ERBB4: variants seen among roughly 807,000 people sequenced by gnomAD.
The protein encoded by ERBB4 is receptor tyrosine-protein kinase erbB-4.
Under a neutral mutation model 158.0 loss-of-function variants are expected in ERBB4, and 42 were observed. The ratio of observed to expected loss-of-function variants is 0.27; its 90% CI spans 0.21 to 0.34. ERBB4 has a LOEUF of 0.34. Ranked by LOEUF, ERBB4 falls within the 10% of genes least tolerant of loss-of-function variation. The probability of loss-of-function intolerance (pLI) is 1.00; values close to 1 mark genes in which losing one functional copy is unlikely to be tolerated. For missense variants in ERBB4, 1,333 were observed against 1,624.1 expected, an observed-to-expected ratio of 0.82 and a Z score of 3.08; for synonymous variants, 583 against 558.7, an observed-to-expected ratio of 1.04 and a Z score of -0.61.
In ERBB4 at chr2:211,947,395, GA is replaced by G. The variant is rs1447637023; in HGVS notation, c.421+34del. The G allele has an allele frequency of 2.6e-6, 4 of 1,540,920 alleles. No individual in the cohort carries two copies. The Admixed American group carries it at 5.0e-5, about 19-fold the overall frequency. On this transcript the variant is annotated intron_variant, in intron 3 of 27. Transcript: ENST00000342788. ...TATACAATTGCCTTATATTGATAAT[GA>G]AAGCATATTTGCCATTTTGGATATA... is the stretch of plus-strand genomic sequence containing the variant.
chr2:211,863,075 A>G (rs903533885), intron 3 of ERBB4, among the ~76,000 whole-genome samples: 6 of 151,404 alleles, frequency 4.0e-5, no homozygotes, highest in African/African-American at 1.5e-4. Context: ...ACCAATCAGC[A>G]CTCTGTGTCT....
intron 20 of ERBB4, among the ~76,000 whole-genome samples, chr2:211,513,362 A>AAC: frequency 8.3e-6 from 1 of 120,902 alleles, no homozygotes; most frequent in South Asian, 2.4e-4. Flanking sequence ...CGTCTCAAAA[A>AAC]AAAAAAAAAA....
At chr2:212,354,315 A>G (rs1211158180) in intron 1 of ERBB4, among the ~76,000 whole-genome samples, 3 of 152,104 alleles carry the variant, frequency 2.0e-5, no homozygotes, top group Non-Finnish European at 4.4e-5. Context: ...ATGATTGAAG[A>G]GCTGTGAGAC....
At chr2:212,358,174 T>C (rs1363437776) in intron 1 of ERBB4, among the ~76,000 whole-genome samples, 1 of 151,916 alleles carries the variant, frequency 6.6e-6, no homozygotes, top group Admixed American at 6.6e-5. Flanking sequence ...TAAAAAGAAC[T>C]ATTTAAATCT....
chr2:212,138,436 A>G (rs73987248), intron 1 of ERBB4, among the ~76,000 whole-genome samples: 4,329 of 152,238 alleles, frequency 0.028, 144 homozygotes, highest in African/African-American at 0.078. Flanking sequence ...CAGTATCAAG[A>G]GTCTGTTAAA....
intron 1 of ERBB4, among the ~76,000 whole-genome samples, chr2:212,223,346 A>G (rs1374380824): frequency 6.8e-6 from 1 of 147,270 alleles, no homozygotes; most frequent in African/African-American, 2.5e-5. Context: ...ATATATATAT[A>G]TATAAAATTG....
intron 18 of ERBB4, among the ~76,000 whole-genome samples, chr2:211,622,805 A>C (rs2069654289): frequency 6.7e-6 from 1 of 150,134 alleles, no homozygotes; most frequent in South Asian, 2.1e-4. Context: ...TGTACTAAAA[A>C]TACAAAAATT....
At chr2:212,301,316 G>T (rs995156346) in intron 1 of ERBB4, among the ~76,000 whole-genome samples, 3 of 151,056 alleles carry the variant, frequency 2.0e-5, no homozygotes, top group African/African-American at 4.8e-5. Context: ...AGAAACTTAA[G>T]CATCACATGT....
At chr2:211,391,342 G>A (rs2062794554) in intron 25 of ERBB4, among the ~76,000 whole-genome samples, 2 of 152,210 alleles carry the variant, frequency 1.3e-5, no homozygotes, top group South Asian at 4.1e-4. Flanking sequence ...ACAAAGCAAT[G>A]CTCTCAGTTA....
intron 20 of ERBB4, among the ~76,000 whole-genome samples, chr2:211,479,713 T>C (rs1005386252): frequency 6.6e-6 from 1 of 152,172 alleles, no homozygotes; most frequent in Admixed American, 6.6e-5. Context: ...ATTCATGCTC[T>C]GCCAATGAAT....
chr2:212,384,755 A>C (rs2090617525), intron 1 of ERBB4, among the ~76,000 whole-genome samples: 2 of 151,410 alleles, frequency 1.3e-5, no homozygotes, highest in Admixed American at 1.3e-4. Flanking sequence ...AGTTTTCTAA[A>C]GGTAATGGGA....
chr2:211,904,762 T>G (rs2079331738), intron 3 of ERBB4, among the ~76,000 whole-genome samples: 1 of 152,124 alleles, frequency 6.6e-6, no homozygotes, highest in East Asian at 1.9e-4. Context: ...TTTATTTTAT[T>G]GGTGGTCACT....
intron 3 of ERBB4, among the ~76,000 whole-genome samples, chr2:211,853,477 G>C (rs2077769891): frequency 6.6e-6 from 1 of 151,928 alleles, no homozygotes; most frequent in African/African-American, 2.4e-5. Context: ...ATAACCTCTG[G>C]CAGATTCAGA....
chr2:211,974,122 C>T (rs2081537995), intron 2 of ERBB4, among the ~76,000 whole-genome samples: 1 of 152,130 alleles, frequency 6.6e-6, no homozygotes, highest in Non-Finnish European at 1.5e-5. Flanking sequence ...GGAAAAACAA[C>T]CAGTGAGTAC....
chr2:211,990,789 G>A (rs1032804527), intron 2 of ERBB4, among the ~76,000 whole-genome samples: 1 of 151,768 alleles, frequency 6.6e-6, no homozygotes, highest in Non-Finnish European at 1.5e-5. Context: ...AAGACAAAAC[G>A]TAAGAAGTAA....
intron 1 of ERBB4, among the ~76,000 whole-genome samples, chr2:212,376,496 G>A (rs1282756940): frequency 6.6e-6 from 1 of 152,014 alleles, no homozygotes; most frequent in Non-Finnish European, 1.5e-5. Context: ...GGAAAGCTTT[G>A]CCACGGAGTC....
At chr2:212,243,372 G>T (rs956919135) in intron 1 of ERBB4, among the ~76,000 whole-genome samples, 1 of 152,106 alleles carries the variant, frequency 6.6e-6, no homozygotes, top group Admixed American at 6.6e-5. Flanking sequence ...AATTCTGTGA[G>T]ATAAGAAGAA....
chr2:211,720,245 T>C (rs1406625624), intron 7 of ERBB4, among the ~76,000 whole-genome samples: 1 of 152,236 alleles, frequency 6.6e-6, no homozygotes, highest in African/African-American at 2.4e-5. Context: ...CATTTATGTG[T>C]GCCTGCTGTA....
chr2:212,021,760 G>T (rs2076655679), intron 2 of ERBB4, among the ~76,000 whole-genome samples: 1 of 151,912 alleles, frequency 6.6e-6, no homozygotes, highest in Non-Finnish European at 1.5e-5. Flanking sequence ...CAAAGCAAAA[G>T]GAACTATCAT....
Sources: allele counts gnomAD v4.1 joint callset (sites outside exome capture counted in the v4.1 genomes callset), GRCh38; gene constraint gnomAD v4.1.1; transcripts MANE v1.5; gene names NCBI Gene and HGNC (gene_info 2026-07-23, HGNC 2026-07-21).